CAMTA1: variants seen among roughly 807,000 people sequenced by gnomAD.
CAMTA1 encodes calmodulin-binding transcription activator 1.
CAMTA1 carries 27 observed loss-of-function variants against 170.9 expected under a neutral mutation model. The observed-to-expected ratio is 0.16, with a 90% CI of 0.12 to 0.22. The LOEUF is 0.22. Among genes scored for constraint, CAMTA1 ranks in the 10% least tolerant of loss-of-function variants. The pLI, the probability that CAMTA1 is intolerant of heterozygous loss-of-function variation, is 1.00. For missense variants in CAMTA1, 1,619 were observed against 2,217.2 expected (o/e 0.73, Z 5.42); for synonymous variants, 833 against 891.5 (o/e 0.93, Z 1.17).
At chr1:7,480,427 G>C (rs193080264) in intron 6 of CAMTA1, among the ~76,000 whole-genome samples, 33 of 151,866 alleles carry the variant, frequency 2.2e-4, no homozygotes, top group Non-Finnish European at 4.3e-4. Flanking sequence ...GAGAGAGAGA[G>C]ACAGAGAGAG....
chr1:7,493,470 C>G (rs1363835080), intron 6 of CAMTA1, among the ~76,000 whole-genome samples: 1 of 151,934 alleles, frequency 6.6e-6, no homozygotes, highest in African/African-American at 2.4e-5. Flanking sequence ...CACACAAAAA[C>G]ATATAAACAG....
At chr1:7,535,555 T>C (rs1363713480) in intron 6 of CAMTA1, among the ~76,000 whole-genome samples, 1 of 152,222 alleles carries the variant, frequency 6.6e-6, no homozygotes, top group Non-Finnish European at 1.5e-5. Context: ...GTGCAGCTTC[T>C]GTACCCGGGA....
chr1:7,157,476 G>A (rs1031153860), intron 4 of CAMTA1, among the ~76,000 whole-genome samples: 1 of 152,016 alleles, frequency 6.6e-6, no homozygotes, highest in East Asian at 1.9e-4. Context: ...ACAGGCAAAT[G>A]GAAACTGAAA....
At position 7,171,687 on chromosome 1, in the gene CAMTA1, G is replaced by A. The variant is rs547748824; in HGVS notation, c.303-77804G>A. On this transcript the variant is annotated intron_variant, in intron 4 of 22. Coordinates refer to ENST00000303635, the MANE Select transcript of CAMTA1 (RefSeq NM_015215.4). ...GCATTTAGCACGTCCACGATGTTGC[G>A]CAGTCACTGCTACCTAATTCCAATG... 9.2e-5 allele frequency among the ~76,000 whole-genome samples: 14 copies of A among 152,268 alleles called. No individual in the cohort carries two copies. The South Asian group carries it at 2.5e-3, about 27-fold the overall frequency.
chr1:7,676,472 T>C (rs2096122056), intron 10 of CAMTA1, among the ~76,000 whole-genome samples: 1 of 152,218 alleles, frequency 6.6e-6, no homozygotes, highest in South Asian at 2.1e-4. Flanking sequence ...ATGAGCTGGT[T>C]TTCCCATCGG....
chr1:6,827,703 T>C (rs537971226), intron 3 of CAMTA1, among the ~76,000 whole-genome samples: 1 of 152,356 alleles, frequency 6.6e-6, no homozygotes, highest in South Asian at 2.1e-4. Context: ...TTCAGTGGAC[T>C]TGTTTCTCAT....
intron 2 of CAMTA1, among the ~76,000 whole-genome samples, chr1:6,824,102 T>A (rs893625612): frequency 2.2e-4 from 33 of 152,264 alleles, no homozygotes; most frequent in African/African-American, 7.7e-4. Flanking sequence ...AACTGTGACT[T>A]ACTGGAGCAA....
chr1:7,668,494 T>C (rs539561990), intron 9 of CAMTA1, among the ~76,000 whole-genome samples: 18 of 150,870 alleles, frequency 1.2e-4, no homozygotes, highest in Non-Finnish European at 2.5e-4. Flanking sequence ...GCATCAGACA[T>C]GGGCCCTTTA....
At chr1:7,309,738 G>T (rs1438506537) in intron 5 of CAMTA1, among the ~76,000 whole-genome samples, 2 of 151,588 alleles carry the variant, frequency 1.3e-5, no homozygotes, top group Non-Finnish European at 2.9e-5. Context: ...TTTAATGGTT[G>T]CTCTATGGGT....
chr1:7,154,756 A>G (rs1236707863), intron 4 of CAMTA1, among the ~76,000 whole-genome samples: 3 of 152,342 alleles, frequency 2.0e-5, no homozygotes, highest in African/African-American at 7.2e-5. Context: ...GAGACTGGTC[A>G]AGGGCTTGTG....
intron 11 of CAMTA1, among the ~76,000 whole-genome samples, chr1:7,716,445 A>G (rs1468788172): frequency 6.6e-6 from 1 of 152,214 alleles, no homozygotes; most frequent in Non-Finnish European, 1.5e-5. Context: ...TAAAATATGT[A>G]CATTTCATTC....
At chr1:7,191,273 G>T (rs1189887472) in intron 4 of CAMTA1, among the ~76,000 whole-genome samples, 1 of 152,228 alleles carries the variant, frequency 6.6e-6, no homozygotes, top group Non-Finnish European at 1.5e-5. Context: ...TGTAAATGGA[G>T]ACTTCATAGT....
intron 3 of CAMTA1, among the ~76,000 whole-genome samples, chr1:7,082,433 A>G (rs1181291698): frequency 1.4e-5 from 2 of 146,956 alleles, no homozygotes; most frequent in Non-Finnish European, 3.0e-5. Flanking sequence ...GCAAGACTGC[A>G]TCTCGAAATA....
intron 5 of CAMTA1, among the ~76,000 whole-genome samples, chr1:7,352,616 G>A (rs2084773176): frequency 1.3e-5 from 2 of 152,180 alleles, no homozygotes; most frequent in South Asian, 4.1e-4. Context: ...GATTTTTAAA[G>A]TAAATGGTCA....
intron 5 of CAMTA1, among the ~76,000 whole-genome samples, chr1:7,403,025 T>G (rs115739585): frequency 0.02 from 3,121 of 152,284 alleles, 100 homozygotes; most frequent in African/African-American, 0.071. Context: ...CCAGGCACTG[T>G]GCTAGCTCTT....
chr1:7,586,682 C>T (rs915031890), intron 6 of CAMTA1, among the ~76,000 whole-genome samples: 3 of 152,142 alleles, frequency 2.0e-5, no homozygotes, highest in Admixed American at 6.5e-5. Flanking sequence ...GCACACCAGC[C>T]GACACGGTCT....
intron 6 of CAMTA1, among the ~76,000 whole-genome samples, chr1:7,560,799 C>CG (rs1423697581): frequency 6.6e-6 from 1 of 151,710 alleles, no homozygotes; most frequent in East Asian, 2.0e-4. Flanking sequence ...ACATGGGACT[C>CG]GGGGCAGGCA....
chr1:7,617,694 C>A (rs919841269), intron 6 of CAMTA1, among the ~76,000 whole-genome samples: 2 of 130,328 alleles, frequency 1.5e-5, no homozygotes, highest in Admixed American at 1.6e-4. Flanking sequence ...TGCACACCCA[C>A]CCCCCCACCC....
intron 4 of CAMTA1, among the ~76,000 whole-genome samples, chr1:7,156,681 G>T (rs1646905760): frequency 6.6e-6 from 1 of 152,222 alleles, no homozygotes; most frequent in Admixed American, 6.5e-5. Flanking sequence ...GACGATTTCA[G>T]AAGTATCTGT....
Sources: gnomAD v4.1 joint callset for allele counts (sites outside exome capture counted in the v4.1 genomes callset) on GRCh38, gnomAD v4.1.1 for gene constraint, MANE v1.5 for transcripts, NCBI Gene and HGNC (gene_info 2026-07-23, HGNC 2026-07-21) for gene names.